Variants in RBL1 observed in about 807,000 individuals in gnomAD.
The protein encoded by RBL1 is RB transcriptional corepressor like 1.
A neutral mutation model predicts 123.0 loss-of-function variants in RBL1; 82 were observed. The observed-to-expected ratio is 0.67, with a 90% CI of 0.56 to 0.80. The LOEUF (loss-of-function observed/expected upper bound fraction) is 0.80, where lower values mean the gene tolerates loss of function less well. Among genes scored for constraint, RBL1 ranks in the 30% least tolerant of loss-of-function variants. The probability of loss-of-function intolerance (pLI) is 0.00; values close to 1 mark genes in which losing one functional copy is unlikely to be tolerated. For synonymous variants in RBL1, 405 were observed against 441.3 expected (o/e 0.92, Z 1.03); for missense variants, 1,171 against 1,299.6 (o/e 0.90, Z 1.52).
At chr20:37,045,691 A>G (rs1227532628) in intron 12 of RBL1, among the ~76,000 whole-genome samples, 1 of 152,206 alleles carries the variant, frequency 6.6e-6, no homozygotes, top group Non-Finnish European at 1.5e-5. Context: ...TCCTAATGGC[A>G]AAAGTTGAAT....
intron 19 of RBL1, among the ~76,000 whole-genome samples, chr20:37,014,672 G>A (rs2064221416): frequency 6.6e-6 from 1 of 151,892 alleles, no homozygotes; most frequent in African/African-American, 2.4e-5. Flanking sequence ...TGGCTGAGTC[G>A]AGAATCACTC....
Position 37,047,752 on chromosome 20 carries a change from G to A in RBL1, c.1468-562C>T, listed in dbSNP as rs373262684. ...CTCGGCACTTTGGGAGGCCGAGGCA[G>A]GTGGATTGCTTGAGGTCAGGAGTTC... On this transcript the variant is annotated intron_variant, in intron 11 of 21. Coordinates refer to ENST00000373664, the MANE Select transcript of RBL1 (RefSeq NM_002895.5). 4.6e-5 allele frequency among the ~76,000 whole-genome samples: 7 copies of A among 152,286 alleles called. No individual in the cohort carries two copies. In the South Asian group the frequency reaches 8.3e-4, roughly 18 times the overall value.
chr20:37,069,313 G>A (rs1437041851), intron 2 of RBL1, among the ~76,000 whole-genome samples: 1 of 151,920 alleles, frequency 6.6e-6, no homozygotes, highest in Non-Finnish European at 1.5e-5. Context: ...TCTGGGATGT[G>A]AGGAGCCCCT....
chr20:37,055,311 A>G (rs1310293917), intron 11 of RBL1, among the ~76,000 whole-genome samples: 2 of 124 alleles, frequency 0.016, no homozygotes, highest in Middle Eastern at 0.5. Context: ...GAAGGACAGA[A>G]AAAAAAAAAA....
intron 16 of RBL1, among the ~76,000 whole-genome samples, chr20:37,023,684 TC>T: frequency 6.6e-6 from 1 of 152,098 alleles, no homozygotes; most frequent in South Asian, 2.1e-4. Context: ...TCAGTTCAAT[TC>T]CCTGGCCCTA....
chr20:37,041,250 C>A (rs1267524116), intron 13 of RBL1, among the ~76,000 whole-genome samples: 2 of 152,186 alleles, frequency 1.3e-5, no homozygotes, highest in Admixed American at 1.3e-4. Context: ...CCCACAATTT[C>A]TCACGATACT....
intron 13 of RBL1, among the ~76,000 whole-genome samples, chr20:37,041,726 A>T (rs1325120271): frequency 6.6e-6 from 1 of 152,188 alleles, no homozygotes; most frequent in East Asian, 1.9e-4. Flanking sequence ...CCTAGACATG[A>T]TATCAAAAAG....
chr20:37,055,532 T>C (rs1302254151), intron 11 of RBL1, 21 bp downstream of exon 11: 1 of 1,613,856 alleles, frequency 6.2e-7, no homozygotes. Flanking sequence ...TGCCAGTAGC[T>C]CAGAGAGTGG....
chr20:37,069,073 C>T (rs2065233509), intron 2 of RBL1, among the ~76,000 whole-genome samples: 1 of 152,272 alleles, frequency 6.6e-6, no homozygotes, highest in Non-Finnish European at 1.5e-5. Context: ...CCCCTAACCG[C>T]AAGTGATCCG....
chr20:37,056,623 G>C (rs765182161), intron 9 of RBL1, among the ~76,000 whole-genome samples: 37 of 151,888 alleles, frequency 2.4e-4, no homozygotes, highest in Non-Finnish European at 3.2e-4. Flanking sequence ...AAAATGCTGG[G>C]ATTACAGGCA....
rs574924298 is a variant in RBL1, at chr20:37,023,911, G to C, written c.2383-1085C>G. Reference sequence around the variant, plus strand: ...TTGTGTCTCAGCCTCCCGAGTAGCTGGGACTACAGGCAAGTGCCACCACGC... The same window carrying C: ...TTGTGTCTCAGCCTCCCGAGTAGCTCGGACTACAGGCAAGTGCCACCACGC... On this transcript the variant is annotated intron_variant, in intron 16 of 21. Transcript: ENST00000373664. Among the ~76,000 whole-genome samples, 9 of 151,022 alleles carry C rather than the reference G, an allele frequency of 6.0e-5. No individual in the cohort carries two copies. The South Asian group carries it at 1.9e-3, about 32-fold the overall frequency.
At chr20:37,031,338 T>C (rs775422502) in intron 16 of RBL1, among the ~76,000 whole-genome samples, 10 of 151,954 alleles carry the variant, frequency 6.6e-5, no homozygotes, top group Non-Finnish European at 1.3e-4. Context: ...ACTCCTACAA[T>C]TTAACAAAAA....
In RBL1 at chr20:37,047,068, T is replaced by C; in HGVS notation, c.1590A>G (p.Pro530=). The C allele has an allele frequency of 1.9e-6, 3 of 1,584,736 alleles. No homozygotes were observed. Among genetic ancestry groups the C allele is most frequent in the South Asian group, 1.2e-5 (1 of 85,056 alleles). Residue 530 remains proline, a synonymous_variant, in exon 12 of 22, where the codon CCA becomes CCG. Transcript: ENST00000373664. ...PWIIEVLNLQ[P]FYFYKVIEVV... is the part of the protein sequence containing the mutation. ...TTCATCTCACCTTATAAAAGTAAAA[T>C]GGTTGCAAGTTGAGAACTTCAATAA...
Position 37,003,804 on chromosome 20 carries a change from G to A in RBL1, c.2934C>T (p.Arg978=). Residue 978 remains arginine, a synonymous_variant, in exon 21 of 22, where the codon CGC becomes CGT. Transcript: ENST00000373664. ...HIKQQPGSPR[R]ISQQHSIYIS... ...TATAAATGGAGTGCTGCTGGGAAAT[G>A]CGGCGTGGTGAGCCTGGCTGTTGTT... 1 of 1,614,036 alleles carries A rather than the reference G, an allele frequency of 6.2e-7. No individual in the cohort carries two copies. The highest frequency in any genetic ancestry group is 1.3e-5 in the African/African-American group (1 of 75,028).
At chr20:37,080,884 A>C (rs2065438539) in intron 2 of RBL1, among the ~76,000 whole-genome samples, 1 of 152,230 alleles carries the variant, frequency 6.6e-6, no homozygotes, top group Non-Finnish European at 1.5e-5. Flanking sequence ...ATTCATAAGG[A>C]ATTTTGGATT....
chr20:37,095,705 G>A, intron 1 of RBL1, 68 bp downstream of exon 1: 1 of 1,413,218 alleles, frequency 7.1e-7, no homozygotes, highest in Non-Finnish European at 9.5e-7. Context: ...CATAGGCCGA[G>A]GAAGGGGCGG....
chr20:37,009,623 G>A (rs1251818032), intron 19 of RBL1, among the ~76,000 whole-genome samples: 1 of 152,022 alleles, frequency 6.6e-6, no homozygotes, highest in Non-Finnish European at 1.5e-5. Context: ...GCCTCTCAAA[G>A]TGCTGGGATT....
At chr20:37,065,903 C>T (rs766884476) in intron 6 of RBL1, among the ~76,000 whole-genome samples, 8 of 152,136 alleles carry the variant, frequency 5.3e-5, no homozygotes, top group South Asian at 4.1e-4. Context: ...CGTGAGCCAC[C>T]GCGCCCAGTC....
At chr20:37,068,306 CA>C in intron 2 of RBL1, 120 bp from the exon 3 acceptor site, 1 of 1,368,636 alleles carries the variant, frequency 7.3e-7, no homozygotes, top group Non-Finnish European at 9.7e-7. Context: ...TCCCAGGCAA[CA>C]TAGTTAAGAC....
Sources: gnomAD v4.1 joint callset for allele counts (sites outside exome capture counted in the v4.1 genomes callset) on GRCh38, gnomAD v4.1.1 for gene constraint, MANE v1.5 for transcripts, NCBI Gene and HGNC (gene_info 2026-07-23, HGNC 2026-07-21) for gene names.